Variants in EXT1 observed in about 807,000 individuals in gnomAD.
EXT1 encodes the protein exostosin glycosyltransferase 1, also known as exostosin-1.
In EXT1, 20 loss-of-function variants were observed where a neutral mutation model predicts 82.5. The observed-to-expected ratio is 0.24, with a 90% CI of 0.17 to 0.35. The LOEUF (loss-of-function observed/expected upper bound fraction) is 0.35, where lower values mean the gene tolerates loss of function less well. Ranked by LOEUF, EXT1 falls within the 10% of genes least tolerant of loss-of-function variation. EXT1 has a pLI of 1.00. For synonymous variants in EXT1, 348 were observed against 350.8 expected (o/e 0.99, Z 0.09); for missense variants, 757 against 936.5 (o/e 0.81, Z 2.50).
chr8:118,065,663 T>TA (rs1206429675), intron 1 of EXT1, among the ~76,000 whole-genome samples: 1 of 152,246 alleles, frequency 6.6e-6, no homozygotes. Flanking sequence ...CATTTGAACT[T>TA]ACACTTTGGG....
At chr8:117,823,494 T>A (rs1437933829) in intron 4 of EXT1, among the ~76,000 whole-genome samples, 3 of 150,424 alleles carry the variant, frequency 2.0e-5, no homozygotes, top group Non-Finnish European at 4.4e-5. Context: ...TTTTCAGCAA[T>A]TTTTTTTACA....
intron 1 of EXT1, among the ~76,000 whole-genome samples, chr8:118,009,465 G>A (rs1020490041): frequency 6.6e-6 from 1 of 151,786 alleles, no homozygotes; most frequent in Non-Finnish European, 1.5e-5. Flanking sequence ...GCAAGTGAAT[G>A]ACCAGACAGT....
chr8:118,012,308 C>T (rs1815915733), intron 1 of EXT1, among the ~76,000 whole-genome samples: 1 of 152,206 alleles, frequency 6.6e-6, no homozygotes, highest in Non-Finnish European at 1.5e-5. Context: ...GAGTTTCTTC[C>T]ACGGGGCTAA....
intron 1 of EXT1, among the ~76,000 whole-genome samples, chr8:118,015,347 A>T (rs958109043): frequency 6.6e-5 from 10 of 152,192 alleles, no homozygotes; most frequent in Non-Finnish European, 1.5e-4. Flanking sequence ...AATAGGTATC[A>T]CTTCTTCCCC....
chr8:117,812,112 G>A lies in EXT1; in HGVS notation c.1722+760C>T, dbSNP rs1352583425. Among the ~76,000 whole-genome samples, 6 of 152,144 alleles carry A rather than the reference G, an allele frequency of 3.9e-5. No individual in the cohort carries two copies. In the South Asian group the frequency reaches 8.3e-4, roughly 21 times the overall value. ...GGAGGGGAAAGGTGTAAGTAGTTAC[G>A]TCTCCATGCTTTTTAGTAGTTGCCA... On this transcript the variant is annotated intron_variant, in intron 8 of 10. Coordinates refer to ENST00000378204, the MANE Select transcript of EXT1 (RefSeq NM_000127.3).
At chr8:118,058,972 T>C (rs1816838155) in intron 1 of EXT1, among the ~76,000 whole-genome samples, 1 of 152,184 alleles carries the variant, frequency 6.6e-6, no homozygotes, top group African/African-American at 2.4e-5. Flanking sequence ...TGTATGATGG[T>C]CTTGAGTACC....
chr8:117,899,277 T>A (rs1813399135), intron 1 of EXT1, among the ~76,000 whole-genome samples: 1 of 152,068 alleles, frequency 6.6e-6, no homozygotes, highest in Non-Finnish European at 1.5e-5. Context: ...AAATACAGTT[T>A]TACAACTCTA....
chr8:117,880,318 G>C (rs1813038177), intron 1 of EXT1, among the ~76,000 whole-genome samples: 1 of 152,122 alleles, frequency 6.6e-6, no homozygotes, highest in Non-Finnish European at 1.5e-5. Context: ...AAATTCACCA[G>C]GTTTATGAAC....
chr8:118,032,019 G>A (rs151044681), intron 1 of EXT1, among the ~76,000 whole-genome samples: 131 of 151,748 alleles, frequency 8.6e-4, no homozygotes, highest in African/African-American at 3.0e-3. Context: ...GCTATCTGAA[G>A]TGCCACACCC....
chr8:118,054,702 A>G (rs1473515618), intron 1 of EXT1, among the ~76,000 whole-genome samples: 2 of 152,170 alleles, frequency 1.3e-5, no homozygotes, highest in Admixed American at 1.3e-4. Flanking sequence ...CCCACATCAG[A>G]CTAACTCCAG....
intron 1 of EXT1, among the ~76,000 whole-genome samples, chr8:117,901,299 G>A (rs773115564): frequency 2.6e-5 from 4 of 152,070 alleles, no homozygotes; most frequent in Non-Finnish European, 5.9e-5. Context: ...CATTACTATG[G>A]GCAGTTGTAA....
intron 1 of EXT1, among the ~76,000 whole-genome samples, chr8:117,916,998 T>C (rs899746087): frequency 1.1e-4 from 16 of 152,074 alleles, no homozygotes; most frequent in African/African-American, 2.9e-4. Context: ...AAGAAACATA[T>C]AGGTAATTGA....
intron 1 of EXT1, among the ~76,000 whole-genome samples, chr8:117,987,222 A>G (rs1815341209): frequency 6.6e-6 from 1 of 152,172 alleles, no homozygotes; most frequent in South Asian, 2.1e-4. Flanking sequence ...TTATCTTCAA[A>G]CCTGCTCGGG....
At chr8:117,927,267 G>T (rs1313684982) in intron 1 of EXT1, among the ~76,000 whole-genome samples, 2 of 151,668 alleles carry the variant, frequency 1.3e-5, no homozygotes, top group African/African-American at 2.4e-5. Flanking sequence ...GAAAAAAAAA[G>T]AAAAAAGGCA....
At chr8:117,918,661 G>A (rs1813798298) in intron 1 of EXT1, among the ~76,000 whole-genome samples, 1 of 152,178 alleles carries the variant, frequency 6.6e-6, no homozygotes, top group Non-Finnish European at 1.5e-5. Context: ...CACACTGTAA[G>A]GAAGTCCAGA....
At chr8:117,856,419 TA>T (rs557300189) in intron 1 of EXT1, among the ~76,000 whole-genome samples, 5,381 of 132,904 alleles carry the variant, frequency 0.04, 430 homozygotes, top group African/African-American at 0.13. Flanking sequence ...CACGCCTGGC[TA>T]AATTTTTTTT....
intron 1 of EXT1, among the ~76,000 whole-genome samples, chr8:117,949,112 C>T (rs777250945): frequency 2.6e-5 from 4 of 152,074 alleles, no homozygotes; most frequent in Non-Finnish European, 5.9e-5. Context: ...GTTAATGTAT[C>T]CTTGGGAGAC....
At chr8:117,807,746 A>G (rs1300387125) in intron 8 of EXT1, among the ~76,000 whole-genome samples, 1 of 152,184 alleles carries the variant, frequency 6.6e-6, no homozygotes, top group Non-Finnish European at 1.5e-5. Flanking sequence ...CTGTTTTATA[A>G]ATGAGAAATT....
intron 1 of EXT1, among the ~76,000 whole-genome samples, chr8:117,974,519 G>T (rs529014733): frequency 3.3e-5 from 5 of 152,278 alleles, no homozygotes; most frequent in African/African-American, 1.2e-4. Flanking sequence ...CCAGGCTAGG[G>T]TGCAGTGGTG....
Sources: gnomAD v4.1 joint callset for allele counts (sites outside exome capture counted in the v4.1 genomes callset) on GRCh38, gnomAD v4.1.1 for gene constraint, MANE v1.5 for transcripts, NCBI Gene and HGNC (gene_info 2026-07-23, HGNC 2026-07-21) for gene names.